Variants in AFG1L observed in about 807,000 individuals in gnomAD.
AFG1L encodes AFG1 like ATPase, also known as AFG1-like ATPase.
A neutral mutation model predicts 62.2 loss-of-function variants in AFG1L; 53 were observed. The ratio of observed to expected loss-of-function variants is 0.85; its 90% CI spans 0.68 to 1.07. The LOEUF is 1.07. AFG1L is among the 50% of genes least tolerant of loss of function. AFG1L has a pLI of 0.00. For missense variants in AFG1L, 555 were observed against 590.5 expected, an observed-to-expected ratio of 0.94 and a Z score of 0.62; for synonymous variants, 228 against 210.3, an observed-to-expected ratio of 1.08 and a Z score of -0.73.
At chr6:108,346,228 A>G (rs1778858831) in intron 2 of AFG1L, among the ~76,000 whole-genome samples, 1 of 152,218 alleles carries the variant, frequency 6.6e-6, no homozygotes, top group Non-Finnish European at 1.5e-5. Flanking sequence ...GGTATTAAAT[A>G]CATTCTTAAT....
chr6:108,362,907 A>T (rs964192357), intron 5 of AFG1L, among the ~76,000 whole-genome samples: 3 of 151,938 alleles, frequency 2.0e-5, no homozygotes, highest in Non-Finnish European at 4.4e-5. Flanking sequence ...CTGATTTATT[A>T]AAAAAGAGTT....
chr6:108,522,528 C>A lies in AFG1L; in HGVS notation c.*103C>A. 7.8e-7 allele frequency: 1 copy of A among 1,290,082 alleles called. No homozygotes were observed. The highest frequency in any genetic ancestry group is 1.1e-6 in the Non-Finnish European group (1 of 945,804). 79.9% of individuals were successfully genotyped at this position (1,290,082 alleles called of 1,614,324 possible). On this transcript the variant is annotated 3_prime_UTR_variant, in exon 13 of 13. Transcript: ENST00000368977. Reference sequence around the variant, plus strand: ...TCATTTTCTCATCATTAATTATGCACTTTGTCCTCTGGACCATTTTAATCT... The same window carrying A: ...TCATTTTCTCATCATTAATTATGCAATTTGTCCTCTGGACCATTTTAATCT...
At chr6:108,503,703 C>T (rs1774291718) in intron 10 of AFG1L, among the ~76,000 whole-genome samples, 1 of 152,174 alleles carries the variant, frequency 6.6e-6, no homozygotes, top group African/African-American at 2.4e-5. Context: ...GAGAGTCAGT[C>T]TATCCTTTTG....
intron 7 of AFG1L, among the ~76,000 whole-genome samples, chr6:108,414,948 G>A (rs929977949): frequency 7.2e-5 from 11 of 152,126 alleles, no homozygotes; most frequent in Non-Finnish European, 1.2e-4. Flanking sequence ...AAGAAATAAA[G>A]GGTATTCAAT....
intron 6 of AFG1L, among the ~76,000 whole-genome samples, chr6:108,378,476 G>A (rs571064793): frequency 4.1e-4 from 63 of 151,916 alleles, no homozygotes; most frequent in African/African-American, 1.0e-3. Flanking sequence ...ATGCCACCAC[G>A]CCCAGCTAAT....
chr6:108,394,787 CTTAT>C (rs1455133359), intron 6 of AFG1L, among the ~76,000 whole-genome samples: 3 of 152,116 alleles, frequency 2.0e-5, no homozygotes, highest in Non-Finnish European at 4.4e-5. Flanking sequence ...CAGTTTTTAG[CTTAT>C]TTATGAACAA....
At chr6:108,362,578 T>C (rs1348169144) in intron 5 of AFG1L, among the ~76,000 whole-genome samples, 1 of 152,238 alleles carries the variant, frequency 6.6e-6, no homozygotes, top group Non-Finnish European at 1.5e-5. Flanking sequence ...CTCTCATTTC[T>C]TGAGAGTTTA....
At chr6:108,345,859 T>C (rs1778843013) in intron 2 of AFG1L, among the ~76,000 whole-genome samples, 1 of 152,158 alleles carries the variant, frequency 6.6e-6, no homozygotes, top group Admixed American at 6.5e-5. Context: ...GGGATCTAGG[T>C]CTTTCTTTGG....
At chr6:108,341,363 G>C (rs982767173) in intron 2 of AFG1L, among the ~76,000 whole-genome samples, 3 of 152,180 alleles carry the variant, frequency 2.0e-5, no homozygotes, top group African/African-American at 7.2e-5. Context: ...GTATTGTTCA[G>C]ATCTTTGAGA....
chr6:108,366,343 A>G lies in AFG1L; in HGVS notation c.748+11A>G, dbSNP rs1582448197. ...ACAGGCCACCGGAAGGTAAAAACAA[A>G]CATTGTGCTAGTCTCATCCAATTAG... On this transcript the variant is annotated intron_variant, in intron 6 of 12. Coordinates refer to ENST00000368977, the MANE Select transcript of AFG1L (RefSeq NM_145315.5). The G allele has an allele frequency of 6.3e-7, 1 of 1,575,430 alleles. No individual in the cohort carries two copies. Among genetic ancestry groups the G allele is most frequent in the East Asian group, 2.2e-5 (1 of 44,674 alleles).
intron 7 of AFG1L, among the ~76,000 whole-genome samples, chr6:108,438,839 A>G (rs1043666264): frequency 6.6e-6 from 1 of 152,212 alleles, no homozygotes; most frequent in Non-Finnish European, 1.5e-5. Flanking sequence ...TGAGACAAGT[A>G]GGGTAGCTAG....
chr6:108,317,635 A>G (rs763040286), intron 1 of AFG1L, among the ~76,000 whole-genome samples: 12 of 152,212 alleles, frequency 7.9e-5, no homozygotes, highest in Admixed American at 2.6e-4. Context: ...AGCAGAGTTC[A>G]GGCTCCTCTC....
chr6:108,427,816 C>T (rs755655189), intron 7 of AFG1L, among the ~76,000 whole-genome samples: 13 of 152,104 alleles, frequency 8.5e-5, no homozygotes, highest in South Asian at 2.1e-4. Context: ...GCCACCACCC[C>T]GGCCTCAAAA....
intron 7 of AFG1L, among the ~76,000 whole-genome samples, chr6:108,419,495 C>G (rs897687010): frequency 1.3e-5 from 2 of 152,128 alleles, no homozygotes; most frequent in Non-Finnish European, 2.9e-5. Flanking sequence ...CCAGCATTAA[C>G]TCTTATAAAT....
rs759209060 is a variant in AFG1L, at chr6:108,476,904, G to A, written c.930G>A (p.Leu310=). 2 of 1,613,980 alleles carry A rather than the reference G, an allele frequency of 1.2e-6. No homozygotes were observed. The highest frequency in any genetic ancestry group is 2.2e-5 in the East Asian group (1 of 44,872). ...ATGTGGAGGCTGTCATGGATAAGTT[G>A]TTTGATGAGCTGGCTCAGAAACAAA... ...EADVEAVMDK[L]FDELAQKQND... The change falls in exon 9 of 13, where the codon TTG becomes TTA. Residue 310 remains leucine, a synonymous_variant. Transcript: ENST00000368977.
intron 8 of AFG1L, among the ~76,000 whole-genome samples, chr6:108,447,574 A>T (rs1336663638): frequency 6.6e-6 from 1 of 152,206 alleles, no homozygotes; most frequent in African/African-American, 2.4e-5. Flanking sequence ...AAGAGACTCT[A>T]TTATTACGAG....
At chr6:108,295,507 G>C (rs1776733662) in intron 1 of AFG1L, among the ~76,000 whole-genome samples, 1 of 152,136 alleles carries the variant, frequency 6.6e-6, no homozygotes. Context: ...TGCCTGGCTT[G>C]AAGAGATGCA....
At chr6:108,463,579 G>A (rs1406073407) in intron 8 of AFG1L, among the ~76,000 whole-genome samples, 1 of 152,116 alleles carries the variant, frequency 6.6e-6, no homozygotes, top group Non-Finnish European at 1.5e-5. Flanking sequence ...GGAGTTTGTG[G>A]CTGAGAAGAG....
chr6:108,432,221 C>T (rs1355180531), intron 7 of AFG1L, among the ~76,000 whole-genome samples: 1 of 152,010 alleles, frequency 6.6e-6, no homozygotes, highest in African/African-American at 2.4e-5. Flanking sequence ...GTATAACTTA[C>T]GGTCATCTGG....
Sources: allele counts gnomAD v4.1 joint callset (sites outside exome capture counted in the v4.1 genomes callset), GRCh38; gene constraint gnomAD v4.1.1; transcripts MANE v1.5; gene names NCBI Gene and HGNC (gene_info 2026-07-23, HGNC 2026-07-21).